CHD2: variants seen among roughly 807,000 people sequenced by gnomAD.
CHD2 encodes ATP-dependent chromatin remodeler CHD2.
Under a neutral mutation model 243.9 loss-of-function variants are expected in CHD2, and 28 were observed. The observed-to-expected ratio is 0.11, with a 90% confidence interval of 0.09 to 0.16. The LOEUF (loss-of-function observed/expected upper bound fraction) is 0.16, where lower values mean the gene tolerates loss of function less well. Among genes scored for constraint, CHD2 ranks in the 10% least tolerant of loss-of-function variants. The probability of loss-of-function intolerance (pLI) is 1.00; values close to 1 mark genes in which losing one functional copy is unlikely to be tolerated. For synonymous variants in CHD2, 775 were observed against 779.0 expected (o/e 0.99, Z 0.09); for missense variants, 1,386 against 2,209.8 (o/e 0.63, Z 7.47).
chr15:92,981,326 G>A (rs768025472), intron 23 of CHD2, 39 bp from the exon 24 acceptor site: 1 of 1,483,588 alleles, frequency 6.7e-7, no homozygotes, highest in South Asian at 1.1e-5. Flanking sequence ...CTCATCTGTT[G>A]CCATTTTATT....
At chr15:92,948,763 C>T (rs547253828) in intron 12 of CHD2, among the ~76,000 whole-genome samples, 189 bp from the exon 13 acceptor site, 45 of 152,190 alleles carry the variant, frequency 3.0e-4, no homozygotes, top group Middle Eastern at 3.4e-3. Flanking sequence ...GGCGTGAACC[C>T]GGGAGGCAGA....
intron 2 of CHD2, among the ~76,000 whole-genome samples, chr15:92,922,997 T>C (rs1190035771): frequency 2.6e-5 from 4 of 152,240 alleles, no homozygotes; most frequent in African/African-American, 9.6e-5. Context: ...GGAAGGGAGA[T>C]GTGTGGAGGC....
Position 92,953,436 on chromosome 15 carries a change from C to T in CHD2, c.1582C>T (p.His528Tyr). The change falls in exon 14 of 39, where the codon CAC (histidine) becomes TAC (tyrosine). Residue 528 changes from histidine to tyrosine, a missense_variant. Coordinates refer to ENST00000394196, the MANE Select transcript of CHD2 (RefSeq NM_001271.4). ...CATATCATTCCTCTCCTACCTGTTCCACCAACACCAGCTGTATGGCCCCTT... is the reference window on the plus strand; with the variant it reads ...CATATCATTCCTCTCCTACCTGTTCTACCAACACCAGCTGTATGGCCCCTT... ...QTISFLSYLF[H>Y]QHQLYGPFLI... 6.2e-7 allele frequency: 1 copy of T among 1,614,122 alleles called. No individual in the cohort carries two copies. The highest frequency in any genetic ancestry group is 8.5e-7 in the Non-Finnish European group (1 of 1,180,010).
intron 2 of CHD2, among the ~76,000 whole-genome samples, chr15:92,918,808 CATAT>C (rs544082740): frequency 3.3e-5 from 5 of 151,430 alleles, no homozygotes; most frequent in Admixed American, 1.3e-4. Flanking sequence ...TATATACACA[CATAT>C]ATACACATAT....
Position 93,015,035 on chromosome 15 carries a change from C to G in CHD2, c.4906+126C>G, listed in dbSNP as rs564726838. On this transcript the variant is annotated intron_variant, in intron 37 of 38. Transcript: ENST00000394196. ...TTATCTTCTAACACTTTATTGTCCT[C>G]TCTTTTCTTAATGAGAGAAAGCATG... 13 of 758,100 alleles carry G rather than the reference C, an allele frequency of 1.7e-5. No individual in the cohort carries two copies. In the African/African-American group the frequency reaches 2.1e-4, roughly 12 times the overall value. The allele number at this position is 758,100 out of a possible 1,614,324, so 47.0% of individuals were successfully genotyped here.
At chr15:92,917,405 A>G (rs2052861069) in intron 2 of CHD2, among the ~76,000 whole-genome samples, 2 of 152,190 alleles carry the variant, frequency 1.3e-5, no homozygotes, top group African/African-American at 4.8e-5. Flanking sequence ...CTAAAAATAC[A>G]AAACAATTAG....
chr15:92,931,179 G>C (rs2053159845), intron 5 of CHD2, among the ~76,000 whole-genome samples: 1 of 152,058 alleles, frequency 6.6e-6, no homozygotes, highest in African/African-American at 2.4e-5. Context: ...TTGAAATATT[G>C]GCACAAAGAA....
chr15:92,966,845 G>A (rs1177166528), intron 16 of CHD2, among the ~76,000 whole-genome samples: 2 of 151,922 alleles, frequency 1.3e-5, no homozygotes, highest in Non-Finnish European at 1.5e-5. Context: ...GGGAGGTGGA[G>A]GTTGCAGTGA....
intron 37 of CHD2, among the ~76,000 whole-genome samples, chr15:93,015,370 C>T (rs2054446104): frequency 2.0e-5 from 3 of 152,190 alleles, no homozygotes; most frequent in Admixed American, 1.3e-4. Context: ...TGAACCACTG[C>T]GTCTGGCCCC....
intron 25 of CHD2, among the ~76,000 whole-genome samples, chr15:92,984,910 C>T (rs935402969): frequency 3.3e-5 from 5 of 152,196 alleles, no homozygotes; most frequent in Admixed American, 6.5e-5. Context: ...AAATAAGAAA[C>T]ATATACCAAC....
chr15:92,952,923 A>T lies in CHD2; in HGVS notation c.1503-434A>T, dbSNP rs370803445. 1.4e-4 allele frequency among the ~76,000 whole-genome samples: 22 copies of T among 152,366 alleles called. No homozygotes were observed. In the East Asian group the frequency reaches 2.7e-3, roughly 19 times the overall value. ...TCTAGGAAATAGTGTGGGTGGCATT[A>T]AACAACCCAGTGGCCTGCAGTGGAA... is the stretch of plus-strand genomic sequence containing the variant. On this transcript the variant is annotated intron_variant, in intron 13 of 38. Coordinates refer to ENST00000394196, the MANE Select transcript of CHD2 (RefSeq NM_001271.4).
chr15:92,944,189 G>A, intron 9 of CHD2: 1 of 327,922 alleles, frequency 3.0e-6, no homozygotes. Context: ...CAGGTAACTG[G>A]TATATCCTTC....
chr15:92,904,729 T>A (rs2052587348), intron 2 of CHD2: 1 of 1,397,302 alleles, frequency 7.2e-7, no homozygotes, highest in Admixed American at 3.1e-5. Context: ...AATAGAAAAT[T>A]TGCCCAGTTT....
chr15:92,989,730 C>G (rs1376012739), intron 26 of CHD2, among the ~76,000 whole-genome samples: 1 of 152,146 alleles, frequency 6.6e-6, no homozygotes, highest in Non-Finnish European at 1.5e-5. Flanking sequence ...CACAGTTGCT[C>G]AAGGTCTTTC....
chr15:92,912,752 T>C (rs12914508), intron 2 of CHD2, among the ~76,000 whole-genome samples: 25,952 of 152,118 alleles, frequency 0.17, 2,892 homozygotes, highest in Non-Finnish European at 0.25. Flanking sequence ...GCCAGGCTGG[T>C]CTCAAACTCC....
chr15:92,900,600 G>A lies in CHD2; in HGVS notation c.-296G>A. 2.5e-6 allele frequency: 1 copy of A among 398,476 alleles called. No homozygotes were observed. Among genetic ancestry groups the A allele is most frequent in the East Asian group, 3.6e-5 (1 of 28,072 alleles). 24.7% of individuals were successfully genotyped at this position (398,476 alleles called of 1,614,324 possible). A position where few individuals can be genotyped will look rare whatever the true frequency, so the allele number is the denominator to read the frequency against. On this transcript the variant is annotated 5_prime_UTR_variant, in exon 1 of 39. Coordinates refer to ENST00000394196, the MANE Select transcript of CHD2 (RefSeq NM_001271.4). ...TTTTTTCCAGCTTAGAAGCCATGGC[G>A]CACCTCCATTTTTGTGCGCTCTCCT...
rs78379129 is a variant in CHD2 at position 93,009,006 on chromosome 15, G to T, written c.4414-139G>T. On this transcript the variant is annotated intron_variant, in intron 34 of 38. Coordinates refer to ENST00000394196, the MANE Select transcript of CHD2 (RefSeq NM_001271.4). Reference sequence around the variant, plus strand: ...CTTGAATACTTACACTTACTCCACTGCACTAGCTTTACCCACTCTTCCTCT... The same window carrying T: ...CTTGAATACTTACACTTACTCCACTTCACTAGCTTTACCCACTCTTCCTCT... The T allele has an allele frequency of 1.0e-4, 95 of 906,862 alleles. 3 individuals carry two copies. The East Asian group carries it at 2.5e-3, about 24-fold the overall frequency. 56.2% of individuals were successfully genotyped at this position (906,862 alleles called of 1,614,324 possible). A position where few individuals can be genotyped will look rare whatever the true frequency, so the allele number is the denominator to read the frequency against.
At chr15:92,975,320 G>T (rs1290695695) in intron 20 of CHD2, among the ~76,000 whole-genome samples, 1 of 152,138 alleles carries the variant, frequency 6.6e-6, no homozygotes, top group Admixed American at 6.5e-5. Flanking sequence ...AAATATATTT[G>T]CCATGTCTCA....
At chr15:92,993,967 G>A (rs1299030206) in intron 28 of CHD2, among the ~76,000 whole-genome samples, 3 of 152,110 alleles carry the variant, frequency 2.0e-5, no homozygotes, top group African/African-American at 7.2e-5. Context: ...GCGAAACCCT[G>A]TCTCAAAATA....
Sources: gnomAD v4.1 joint callset for allele counts (sites outside exome capture counted in the v4.1 genomes callset) on GRCh38, gnomAD v4.1.1 for gene constraint, MANE v1.5 for transcripts, NCBI Gene and HGNC (gene_info 2026-07-23, HGNC 2026-07-21) for gene names.